The following MAF variants were observed in gnomAD, a reference collection of about 807,000 sequenced individuals.
MAF encodes MAF bZIP transcription factor.
A neutral mutation model predicts 22.0 loss-of-function variants in MAF; 10 were observed. The observed-to-expected ratio is 0.45, with a 90% CI of 0.28 to 0.77. MAF has a LOEUF of 0.77. MAF is among the 30% of genes least tolerant of loss of function. MAF has a pLI of 0.12. For synonymous variants in MAF, 337 were observed against 255.8 expected (o/e 1.32, Z -3.03); for missense variants, 544 against 548.4 (o/e 0.99, Z 0.08).
At chr16:79,497,589 G>A in the MAF span, among the ~76,000 whole-genome samples, 2 of 152,186 alleles carry the variant, frequency 1.3e-5, no homozygotes, top group Non-Finnish European at 2.9e-5. Flanking sequence ...CACCTCACAG[G>A]CCTCATGTGG....
At chr16:79,365,513 T>G in the MAF span, among the ~76,000 whole-genome samples, 1 of 152,184 alleles carries the variant, frequency 6.6e-6, no homozygotes, top group Admixed American at 6.6e-5. Context: ...GATCTCTTCA[T>G]TGCACTTTGT....
At chr16:79,473,933 G>A in the MAF span, among the ~76,000 whole-genome samples, 1 of 152,174 alleles carries the variant, frequency 6.6e-6, no homozygotes, top group African/African-American at 2.4e-5. Context: ...TCAAGGGATT[G>A]GGGGTTATGG....
At chr16:79,396,076 G>C in the MAF span, among the ~76,000 whole-genome samples, 1 of 152,196 alleles carries the variant, frequency 6.6e-6, no homozygotes, top group South Asian at 2.1e-4. Flanking sequence ...GAGATTGAAA[G>C]AGGAAATGAC....
the MAF span, chr16:79,203,632 C>T: frequency 1.3e-5 from 2 of 151,972 alleles, no homozygotes; most frequent in Non-Finnish European, 2.9e-5. Flanking sequence ...ATCCTCCCTG[C>T]TCACAAAACA....
chr16:79,486,157 C>G, the MAF span, among the ~76,000 whole-genome samples: 1 of 152,160 alleles, frequency 6.6e-6, no homozygotes, highest in African/African-American at 2.4e-5. Flanking sequence ...AGCTCAGGAA[C>G]CCCTCTTTTC....
chr16:79,459,861 G>T, the MAF span, among the ~76,000 whole-genome samples: 1 of 152,116 alleles, frequency 6.6e-6, no homozygotes, highest in East Asian at 1.9e-4. Flanking sequence ...ACTGTGCCTG[G>T]CCTATTCTCA....
At chr16:79,212,224 C>T in the MAF span, 2 of 1,399,350 alleles carry the variant, frequency 1.4e-6, no homozygotes, top group Non-Finnish European at 1.9e-6. Context: ...AGCAAGTGTT[C>T]ACTGCTCCTT....
the MAF span, among the ~76,000 whole-genome samples, chr16:79,443,713 G>A: frequency 2.0e-5 from 3 of 152,216 alleles, no homozygotes; most frequent in African/African-American, 7.2e-5. Flanking sequence ...CATCCGACTT[G>A]TTCTTGGTCA....
chr16:79,365,437 G>C, the MAF span, among the ~76,000 whole-genome samples: 1 of 152,184 alleles, frequency 6.6e-6, no homozygotes, highest in Non-Finnish European at 1.5e-5. Context: ...CTGGAGCCTA[G>C]TACAGTGCCA....
chr16:79,211,923 G>T, the MAF span: 809,172 of 1,541,148 alleles, frequency 0.53, 221,337 homozygotes, highest in Non-Finnish European at 0.57. Context: ...AATAAGAGCA[G>T]TCACAACAGA....
the MAF span, among the ~76,000 whole-genome samples, chr16:79,211,040 T>A: frequency 0.08 from 11,616 of 146,068 alleles, 645 homozygotes; most frequent in African/African-American, 0.17. Context: ...GAGGAGTGTG[T>A]GTGTGTGTGT....
At chr16:79,372,934 G>A in the MAF span, among the ~76,000 whole-genome samples, 1 of 152,072 alleles carries the variant, frequency 6.6e-6, no homozygotes, top group African/African-American at 2.4e-5. Flanking sequence ...CCCTCTTAAT[G>A]CCCTTTGTTA....
At chr16:79,272,458 T>A in the MAF span, among the ~76,000 whole-genome samples, 1 of 152,118 alleles carries the variant, frequency 6.6e-6, no homozygotes, top group Non-Finnish European at 1.5e-5. Flanking sequence ...GCCAAAGACA[T>A]CAGTGGAGGG....
the MAF span, among the ~76,000 whole-genome samples, chr16:79,337,572 A>ACAAAACAAAG: frequency 6.6e-6 from 1 of 151,662 alleles, no homozygotes; most frequent in Non-Finnish European, 1.5e-5. Flanking sequence ...CGTCTCAAAA[A>ACAAAACAAAG]CAAAACAAAA....
chr16:79,447,878 C>T, the MAF span, among the ~76,000 whole-genome samples: 4 of 70,948 alleles, frequency 5.6e-5, no homozygotes, highest in Admixed American at 2.3e-4. Context: ...CGAGACAGAG[C>T]GAGATTCCAT....
the MAF span, among the ~76,000 whole-genome samples, chr16:79,429,429 G>T: frequency 6.6e-6 from 1 of 152,168 alleles, no homozygotes; most frequent in Non-Finnish European, 1.5e-5. Context: ...TCCCTTGGCA[G>T]GAGACCTCCC....
At chr16:79,389,586 G>C in the MAF span, among the ~76,000 whole-genome samples, 1 of 151,878 alleles carries the variant, frequency 6.6e-6, no homozygotes, top group African/African-American at 2.4e-5. Flanking sequence ...TTTTAGGTTT[G>C]TTTCTGTCTT....
At chr16:79,238,729 A>G in the MAF span, among the ~76,000 whole-genome samples, 1 of 152,052 alleles carries the variant, frequency 6.6e-6, no homozygotes, top group Non-Finnish European at 1.5e-5. Flanking sequence ...ACTTCTGCTG[A>G]AAAAAATCAG....
the MAF span, among the ~76,000 whole-genome samples, chr16:79,438,684 GTCTGCCT>G: frequency 6.6e-6 from 1 of 152,172 alleles, no homozygotes; most frequent in Non-Finnish European, 1.5e-5. Context: ...GTCGTGCAGA[GTCTGCCT>G]TCTCTTGGCA....
Sources: gnomAD v4.1 joint callset for allele counts (sites outside exome capture counted in the v4.1 genomes callset) on GRCh38, gnomAD v4.1.1 for gene constraint, MANE v1.5 for transcripts, NCBI Gene and HGNC (gene_info 2026-07-23, HGNC 2026-07-21) for gene names.